ABTB3: variants seen among roughly 807,000 people sequenced by gnomAD.
ABTB3 encodes the protein ankyrin repeat and BTB domain containing 3, also known as ankyrin repeat- and BTB/POZ domain-containing protein 3.
the ABTB3 span, among the ~76,000 whole-genome samples, chr12:107,648,297 C>T: frequency 6.6e-6 from 1 of 151,596 alleles, no homozygotes; most frequent in African/African-American, 2.4e-5. Flanking sequence ...AGGAGAATTG[C>T]TTGAACCCGG....
chr12:107,649,405 T>G, the ABTB3 span: 131 of 849,688 alleles, frequency 1.5e-4, no homozygotes, highest in Non-Finnish European at 2.5e-4. Context: ...GATGAAGACT[T>G]GGGGCTCTTG....
At chr12:107,529,409 A>T in the ABTB3 span, among the ~76,000 whole-genome samples, 1 of 151,854 alleles carries the variant, frequency 6.6e-6, no homozygotes, top group Non-Finnish European at 1.5e-5. Flanking sequence ...GGTGATGATG[A>T]CAGAGACGAT....
the ABTB3 span, among the ~76,000 whole-genome samples, chr12:107,375,751 C>A: frequency 1.6e-3 from 240 of 152,304 alleles, no homozygotes; most frequent in African/African-American, 5.4e-3. Flanking sequence ...TCCCTTCCAC[C>A]TCCACTGCCC....
At chr12:107,423,860 T>G in the ABTB3 span, among the ~76,000 whole-genome samples, 1 of 152,234 alleles carries the variant, frequency 6.6e-6, no homozygotes, top group East Asian at 1.9e-4. Context: ...GTTCCTCCAC[T>G]ACCTCTCTTG....
At chr12:107,598,556 T>A in the ABTB3 span, among the ~76,000 whole-genome samples, 1 of 152,208 alleles carries the variant, frequency 6.6e-6, no homozygotes, top group Non-Finnish European at 1.5e-5. Context: ...TTAAAATTCA[T>A]TGTCACACAT....
chr12:107,511,068 ATG>A, the ABTB3 span, among the ~76,000 whole-genome samples: 1 of 152,148 alleles, frequency 6.6e-6, no homozygotes, highest in Non-Finnish European at 1.5e-5. Context: ...TGAGATGAAA[ATG>A]TGTTTGCTAT....
chr12:107,319,997 C>T, the ABTB3 span: 1 of 1,582,246 alleles, frequency 6.3e-7, no homozygotes, highest in African/African-American at 1.4e-5. Flanking sequence ...GACCCTGGAG[C>T]ACACGGTCAA....
At chr12:107,350,797 A>G in the ABTB3 span, among the ~76,000 whole-genome samples, 2 of 152,208 alleles carry the variant, frequency 1.3e-5, no homozygotes, top group African/African-American at 2.4e-5. Context: ...GGTATTGAAC[A>G]TGGTCTAACA....
At chr12:107,629,124 G>A in the ABTB3 span, among the ~76,000 whole-genome samples, 1 of 152,150 alleles carries the variant, frequency 6.6e-6, no homozygotes, top group Non-Finnish European at 1.5e-5. Flanking sequence ...ATGCTATTAA[G>A]AATTTTGCAG....
At chr12:107,540,390 T>A in the ABTB3 span, among the ~76,000 whole-genome samples, 1 of 152,212 alleles carries the variant, frequency 6.6e-6, no homozygotes, top group Non-Finnish European at 1.5e-5. Context: ...CTGCCCACAC[T>A]GGGTGAGGAC....
the ABTB3 span, among the ~76,000 whole-genome samples, chr12:107,593,895 G>A: frequency 2.0e-5 from 3 of 152,154 alleles, no homozygotes; most frequent in South Asian, 2.1e-4. Flanking sequence ...GATTGCACAC[G>A]TCACTTCCCC....
At chr12:107,471,802 C>A in the ABTB3 span, among the ~76,000 whole-genome samples, 3 of 152,074 alleles carry the variant, frequency 2.0e-5, no homozygotes, top group African/African-American at 7.2e-5. Flanking sequence ...ACTCTGCCCC[C>A]GTGCCTAGAG....
chr12:107,401,611 G>C, the ABTB3 span, among the ~76,000 whole-genome samples: 7 of 152,136 alleles, frequency 4.6e-5, no homozygotes, highest in African/African-American at 1.4e-4. Flanking sequence ...GATCTTGAGC[G>C]GATGCCCTGG....
chr12:107,428,255 T>A, the ABTB3 span, among the ~76,000 whole-genome samples: 1 of 152,154 alleles, frequency 6.6e-6, no homozygotes, highest in Non-Finnish European at 1.5e-5. Flanking sequence ...CTCCTAGATT[T>A]GTACATGGTC....
the ABTB3 span, among the ~76,000 whole-genome samples, chr12:107,570,156 C>T: frequency 1.6e-4 from 24 of 152,182 alleles, no homozygotes; most frequent in African/African-American, 5.6e-4. Context: ...GAGGAGAACA[C>T]GTATAGAGGG....
chr12:107,445,785 C>T, the ABTB3 span, among the ~76,000 whole-genome samples: 1 of 151,878 alleles, frequency 6.6e-6, no homozygotes, highest in South Asian at 2.1e-4. Context: ...TCTTTTTGAA[C>T]GTATAAAGGC....
At chr12:107,604,703 C>T in the ABTB3 span, among the ~76,000 whole-genome samples, 6 of 152,146 alleles carry the variant, frequency 3.9e-5, no homozygotes, top group Non-Finnish European at 8.8e-5. Context: ...GAAAACAGAA[C>T]AGAAATTCCT....
At chr12:107,482,942 TTC>T in the ABTB3 span, among the ~76,000 whole-genome samples, 3 of 25,140 alleles carry the variant, frequency 1.2e-4, no homozygotes, top group Admixed American at 4.8e-4. Flanking sequence ...CTTTCTTTCT[TTC>T]TTTCTTTCTT....
chr12:107,328,775 G>T, the ABTB3 span, among the ~76,000 whole-genome samples: 2 of 152,308 alleles, frequency 1.3e-5, no homozygotes, highest in East Asian at 3.9e-4. Flanking sequence ...CTGAACTGCC[G>T]CAGCCCAGTG....
Sources: gnomAD v4.1 joint callset for allele counts (sites outside exome capture counted in the v4.1 genomes callset) on GRCh38, gnomAD v4.1.1 for gene constraint, MANE v1.5 for transcripts, NCBI Gene and HGNC (gene_info 2026-07-23, HGNC 2026-07-21) for gene names.